Variants in TMEM132B observed in about 807,000 individuals in gnomAD.
TMEM132B encodes the protein transmembrane protein 132B.
Under a neutral mutation model 90.8 loss-of-function variants are expected in TMEM132B, and 18 were observed. That is an observed-to-expected ratio of 0.20 (90% CI 0.14 to 0.29). The LOEUF is 0.29. Among genes scored for constraint, TMEM132B ranks in the 10% least tolerant of loss-of-function variants. TMEM132B has a pLI of 1.00. For missense variants in TMEM132B, 1,096 were observed against 1,326.8 expected, an observed-to-expected ratio of 0.83 and a Z score of 2.70; for synonymous variants, 504 against 523.3, an observed-to-expected ratio of 0.96 and a Z score of 0.50.
intron 4 of TMEM132B, among the ~76,000 whole-genome samples, chr12:125,526,640 T>C (rs1377548461): frequency 2.6e-5 from 4 of 152,206 alleles, no homozygotes; most frequent in African/African-American, 9.6e-5. Flanking sequence ...GATCCTGGAT[T>C]GTGTTGGTTG....
At chr12:125,428,963 A>G (rs1215976749) in intron 3 of TMEM132B, among the ~76,000 whole-genome samples, 1 of 152,168 alleles carries the variant, frequency 6.6e-6, no homozygotes, top group Non-Finnish European at 1.5e-5. Context: ...GTCTTATCAC[A>G]TGATCCTCTT....
chr12:125,274,166 C>T (rs1230292281), intron 1 of TMEM132B, among the ~76,000 whole-genome samples: 2 of 152,194 alleles, frequency 1.3e-5, no homozygotes, highest in Admixed American at 6.5e-5. Context: ...TGCCGCCCCT[C>T]TTTCACTAAA....
chr12:125,271,577 C>G (rs1171865576), intron 1 of TMEM132B, among the ~76,000 whole-genome samples: 1 of 135,284 alleles, frequency 7.4e-6, no homozygotes, highest in East Asian at 1.9e-4. Flanking sequence ...TTGGCTTATC[C>G]TGAGCTATGC....
intron 4 of TMEM132B, among the ~76,000 whole-genome samples, chr12:125,552,115 T>C (rs1339902460): frequency 6.6e-6 from 1 of 152,196 alleles, no homozygotes; most frequent in Non-Finnish European, 1.5e-5. Context: ...TAAAACACCA[T>C]CTGATAAAAT....
intron 4 of TMEM132B, among the ~76,000 whole-genome samples, chr12:125,542,443 G>A (rs1199697529): frequency 1.3e-5 from 2 of 152,066 alleles, no homozygotes; most frequent in Non-Finnish European, 2.9e-5. Flanking sequence ...TCCATCTCCA[G>A]GACTGTTTTC....
intron 4 of TMEM132B, among the ~76,000 whole-genome samples, chr12:125,539,170 G>A (rs539936827): frequency 1.3e-5 from 2 of 152,290 alleles, no homozygotes; most frequent in South Asian, 2.1e-4. Context: ...TGTGAATGAC[G>A]CCATGACACA....
intron 2 of TMEM132B, among the ~76,000 whole-genome samples, chr12:125,358,952 T>C (rs1326833947): frequency 6.6e-6 from 1 of 152,250 alleles, no homozygotes; most frequent in Non-Finnish European, 1.5e-5. Context: ...ATCTTGGCTC[T>C]TCCTGATCAC....
At chr12:125,401,098 A>G (rs1265663866) in intron 2 of TMEM132B, among the ~76,000 whole-genome samples, 1 of 151,766 alleles carries the variant, frequency 6.6e-6, no homozygotes, top group Admixed American at 6.6e-5. Context: ...TGATGCCTTC[A>G]CCCCCTTCCC....
chr12:125,419,921 T>C (rs772107776), intron 3 of TMEM132B, among the ~76,000 whole-genome samples: 2 of 152,160 alleles, frequency 1.3e-5, no homozygotes, highest in East Asian at 1.9e-4. Flanking sequence ...TGAAATCCAG[T>C]GGGGCACTCA....
intron 1 of TMEM132B, among the ~76,000 whole-genome samples, chr12:125,258,332 G>T (rs1874485615): frequency 6.6e-6 from 1 of 152,176 alleles, no homozygotes; most frequent in Admixed American, 6.5e-5. Context: ...GAGGTGACTT[G>T]TTTCTGCTCC....
At chr12:125,468,990 G>C (rs1407945940) in intron 3 of TMEM132B, among the ~76,000 whole-genome samples, 1 of 152,022 alleles carries the variant, frequency 6.6e-6, no homozygotes, top group Non-Finnish European at 1.5e-5. Context: ...GAATCCTTGG[G>C]GTTTTCTACC....
intron 4 of TMEM132B, among the ~76,000 whole-genome samples, chr12:125,553,239 C>T (rs913677354): frequency 1.3e-5 from 2 of 152,160 alleles, no homozygotes; most frequent in African/African-American, 2.4e-5. Context: ...TGCAGTGGCC[C>T]AGAACAGTCA....
intron 1 of TMEM132B, among the ~76,000 whole-genome samples, chr12:125,329,494 CCTT>C (rs1385916199): frequency 1.3e-5 from 2 of 152,204 alleles, no homozygotes; most frequent in Non-Finnish European, 2.9e-5. Context: ...GCCCAAGCCT[CCTT>C]CTCTAGAACC....
At chr12:125,552,469 A>G (rs533441412) in intron 4 of TMEM132B, among the ~76,000 whole-genome samples, 1 of 152,288 alleles carries the variant, frequency 6.6e-6, no homozygotes, top group Admixed American at 6.5e-5. Flanking sequence ...GGGCACCATG[A>G]TTTGGAGCTG....
chr12:125,608,094 G>C (rs1267327045), intron 5 of TMEM132B, among the ~76,000 whole-genome samples: 1 of 152,096 alleles, frequency 6.6e-6, no homozygotes, highest in Non-Finnish European at 1.5e-5. Flanking sequence ...CATTTCTTTT[G>C]AGCGTATACT....
chr12:125,420,402 G>C (rs1427089045), intron 3 of TMEM132B, among the ~76,000 whole-genome samples: 1 of 152,188 alleles, frequency 6.6e-6, no homozygotes, highest in Non-Finnish European at 1.5e-5. Context: ...AAGCTGCTAA[G>C]GCTTGGGGCT....
chr12:125,502,113 C>T (rs927096530), intron 3 of TMEM132B, among the ~76,000 whole-genome samples: 1 of 152,120 alleles, frequency 6.6e-6, no homozygotes, highest in Non-Finnish European at 1.5e-5. Context: ...GGATCTTTGC[C>T]CTTGCTGTTC....
intron 1 of TMEM132B, among the ~76,000 whole-genome samples, chr12:125,317,231 T>A (rs1876306226): frequency 6.6e-6 from 1 of 152,064 alleles, no homozygotes; most frequent in African/African-American, 2.4e-5. Context: ...TTGAGAGGAT[T>A]AGCATGGGTT....
chr12:125,424,700 C>A (rs1880263578), intron 3 of TMEM132B, among the ~76,000 whole-genome samples: 1 of 152,108 alleles, frequency 6.6e-6, no homozygotes, highest in Non-Finnish European at 1.5e-5. Context: ...TTAGGGAGAA[C>A]CAGTGGCTGA....
Sources: gnomAD v4.1 joint callset for allele counts (sites outside exome capture counted in the v4.1 genomes callset) on GRCh38, gnomAD v4.1.1 for gene constraint, MANE v1.5 for transcripts, NCBI Gene and HGNC (gene_info 2026-07-23, HGNC 2026-07-21) for gene names.